Variants in CRADD observed in about 807,000 individuals in gnomAD.
CRADD encodes death domain-containing protein CRADD.
In CRADD, 9 loss-of-function variants were observed where a neutral mutation model predicts 15.5. The ratio of observed to expected loss-of-function variants is 0.58; its 90% CI spans 0.35 to 1.01. CRADD has a LOEUF of 1.01. CRADD is among the 50% of genes least tolerant of loss of function. CRADD has a pLI of 0.02. For missense variants in CRADD, 227 were observed against 250.3 expected (o/e 0.91, Z 0.63); for synonymous variants, 118 against 107.6 (o/e 1.10, Z -0.60).
chr12:93,804,735 A>T (rs1344530949), intron 2 of CRADD, among the ~76,000 whole-genome samples: 1 of 152,104 alleles, frequency 6.6e-6, no homozygotes, highest in Non-Finnish European at 1.5e-5. Flanking sequence ...TTGGAAAATA[A>T]AACTTCATGG....
chr12:93,871,506 T>C lies in CRADD; in HGVS notation c.299-22544T>C, dbSNP rs183735804. Among the ~76,000 whole-genome samples, 5 of 152,280 alleles carry C rather than the reference T, an allele frequency of 3.3e-5. No individual in the cohort carries two copies. The East Asian group carries it at 7.7e-4, about 23-fold the overall frequency. ...GCTATCAAATAGTAGGTCTTATTCA[T>C]TCTTTCTAACTGTTATTTTTGTGTC... On this transcript the variant is annotated intron_variant, in intron 2 of 2. Transcript: ENST00000548483.
intron 2 of CRADD, among the ~76,000 whole-genome samples, chr12:93,764,609 G>A (rs1350458009): frequency 1.3e-5 from 2 of 151,982 alleles, no homozygotes; most frequent in Non-Finnish European, 1.5e-5. Flanking sequence ...GGGTGGGGGA[G>A]GGTTTAAGAG....
rs76353209 is a variant in CRADD, at chr12:93,791,878, G to A, written c.299-58092G>A. Among the ~76,000 whole-genome samples the A allele has an allele frequency of 9.2e-3, 1,339 of 145,412 alleles. 28 individuals carry two copies. The highest frequency in any genetic ancestry group is 0.032 in the African/African-American group (1,278 of 39,368). ...TTTCAAAATAGAGGGAAGAAAACATGCAAATAGTCCTAATGGATTTTTTTT... is the reference window on the plus strand; with the variant it reads ...TTTCAAAATAGAGGGAAGAAAACATACAAATAGTCCTAATGGATTTTTTTT... On this transcript the variant is annotated intron_variant, in intron 2 of 2. Transcript: ENST00000332896.
At chr12:93,779,591 C>CTTT (rs72096249) in intron 2 of CRADD, among the ~76,000 whole-genome samples, 5 of 137,462 alleles carry the variant, frequency 3.6e-5, no homozygotes, top group African/African-American at 5.3e-5. Context: ...AAGAAAGAAC[C>CTTT]TTTTTTTTTT....
chr12:93,868,686 G>GCACACACACACACACACACA (rs570970896), intron 2 of CRADD, among the ~76,000 whole-genome samples: 1 of 142,828 alleles, frequency 7.0e-6, no homozygotes, highest in African/African-American at 2.6e-5. Flanking sequence ...TCTCTCTCTT[G>GCACACACACACACACACACA]CACACACACA....
Position 93,738,284 on chromosome 12 carries a change from T to C in CRADD, c.298+59212T>C, listed in dbSNP as rs75555717. ...GGCCAAAAGTGTCAGACTGTGGGGA[T>C]GAGGACCTGAAGGAGGCCCATGAGA... On this transcript the variant is annotated intron_variant, in intron 2 of 2. Coordinates refer to ENST00000332896, the MANE Select transcript of CRADD (RefSeq NM_003805.5). The C allele has an allele frequency of 7.6e-3, 5,199 of 681,838 alleles. 212 individuals carry two copies. In the African/African-American group the frequency reaches 0.079, roughly 10 times the overall value. 42.2% of individuals were successfully genotyped at this position (681,838 alleles called of 1,614,324 possible).
At chr12:93,845,855 G>GTACCTTCACATTGTTTTATAACCAAA (rs1194769171) in intron 2 of CRADD, among the ~76,000 whole-genome samples, 2 of 152,124 alleles carry the variant, frequency 1.3e-5, no homozygotes, top group Non-Finnish European at 2.9e-5. Flanking sequence ...GTTGTGTTAA[G>GTACCTTCACATTGTTTTATAACCAAA]TACCTTCACA....
intron 2 of CRADD, among the ~76,000 whole-genome samples, chr12:93,706,816 A>G (rs570561180): frequency 6.6e-6 from 1 of 152,340 alleles, no homozygotes; most frequent in East Asian, 1.9e-4. Context: ...ATTGTTTAGT[A>G]GCTAGATCTT....
intron 2 of CRADD, among the ~76,000 whole-genome samples, chr12:93,769,450 A>G (rs955555647): frequency 2.6e-5 from 4 of 152,156 alleles, no homozygotes; most frequent in African/African-American, 4.8e-5. Context: ...AAATGTTGCT[A>G]TGAACATTCT....
chr12:93,684,025 G>C (rs759789214), intron 2 of CRADD, among the ~76,000 whole-genome samples: 6 of 152,146 alleles, frequency 3.9e-5, no homozygotes, highest in Admixed American at 1.3e-4. Flanking sequence ...TCGGTAAAGG[G>C]AGAGTCTGCA....
At chr12:93,822,835 A>G (rs1030009235) in intron 2 of CRADD, among the ~76,000 whole-genome samples, 1 of 152,224 alleles carries the variant, frequency 6.6e-6, no homozygotes, top group African/African-American at 2.4e-5. Flanking sequence ...TCAGCAAGAG[A>G]AATATTTTTC....
At chr12:93,732,283 A>G (rs1227124746) in intron 2 of CRADD, among the ~76,000 whole-genome samples, 1 of 128,208 alleles carries the variant, frequency 7.8e-6, no homozygotes, top group African/African-American at 2.5e-5. Context: ...TTTAGTGTGC[A>G]TTTTCAGTGT....
At chr12:93,725,923 C>A (rs1388827758) in intron 2 of CRADD, among the ~76,000 whole-genome samples, 1 of 152,036 alleles carries the variant, frequency 6.6e-6, no homozygotes, top group East Asian at 1.9e-4. Context: ...GACACATGAA[C>A]TTTTCCAAGG....
intron 2 of CRADD, among the ~76,000 whole-genome samples, chr12:93,693,564 G>T (rs1414392612): frequency 6.6e-6 from 1 of 151,950 alleles, no homozygotes; most frequent in Admixed American, 6.6e-5. Context: ...AAATATATAT[G>T]CACCAATCAC....
chr12:93,738,397 G>A lies in CRADD; in HGVS notation c.298+59325G>A. ...AACCCTTTGTGGAATTCTTCCATGAGATGCAGTTGCCATCATCAGGCTTCC... is the reference window on the plus strand; with the variant it reads ...AACCCTTTGTGGAATTCTTCCATGAAATGCAGTTGCCATCATCAGGCTTCC... On this transcript the variant is annotated intron_variant, in intron 2 of 2. Coordinates refer to ENST00000332896, the MANE Select transcript of CRADD (RefSeq NM_003805.5). 4 of 702,240 alleles carry A rather than the reference G, an allele frequency of 5.7e-6. No homozygotes were observed. The South Asian group carries it at 5.9e-5, about 10-fold the overall frequency. The allele number at this position is 702,240 out of a possible 1,614,324, so 43.5% of individuals were successfully genotyped here. A position where few individuals can be genotyped will look rare whatever the true frequency, so the allele number is the denominator to read the frequency against.
At chr12:93,723,056 T>C (rs1309646132) in intron 2 of CRADD, among the ~76,000 whole-genome samples, 1 of 152,218 alleles carries the variant, frequency 6.6e-6, no homozygotes, top group African/African-American at 2.4e-5. Flanking sequence ...CTAACCTAAC[T>C]GACTCCATGT....
chr12:93,761,605 C>T (rs1956964303), intron 2 of CRADD, among the ~76,000 whole-genome samples: 1 of 152,056 alleles, frequency 6.6e-6, no homozygotes, highest in African/African-American at 2.4e-5. Context: ...ATCTCATTCC[C>T]ATTATCCTGG....
At chr12:93,752,901 C>T (rs896648201) in intron 2 of CRADD, among the ~76,000 whole-genome samples, 4 of 152,170 alleles carry the variant, frequency 2.6e-5, no homozygotes, top group Admixed American at 6.5e-5. Context: ...GTGAAAGGCA[C>T]ATCTCACATG....
At chr12:93,778,173 A>AT (rs1233137026) in intron 2 of CRADD, among the ~76,000 whole-genome samples, 9 of 152,298 alleles carry the variant, frequency 5.9e-5, no homozygotes, top group Middle Eastern at 3.4e-3. Flanking sequence ...TAAAAACTTC[A>AT]TTTTTGAAAA....
Sources: allele counts gnomAD v4.1 joint callset (sites outside exome capture counted in the v4.1 genomes callset), GRCh38; gene constraint gnomAD v4.1.1; transcripts MANE v1.5; gene names NCBI Gene and HGNC (gene_info 2026-07-23, HGNC 2026-07-21).